LRP1B: variants seen among roughly 807,000 people sequenced by gnomAD.
LRP1B encodes the protein LDL receptor related protein 1B, also known as low-density lipoprotein receptor-related protein 1B.
A neutral mutation model predicts 556.6 loss-of-function variants in LRP1B; 217 were observed. The observed-to-expected ratio is 0.39, with a 90% confidence interval of 0.35 to 0.44. The LOEUF (loss-of-function observed/expected upper bound fraction) is 0.44, where lower values mean the gene tolerates loss of function less well. Ranked by LOEUF, LRP1B falls within the 20% of genes least tolerant of loss-of-function variation. LRP1B has a pLI of 1.00. For missense variants in LRP1B, 5,053 were observed against 5,620.8 expected (o/e 0.90, Z 3.23); for synonymous variants, 2,047 against 1,865.8 (o/e 1.10, Z -2.50).
intron 1 of LRP1B, among the ~76,000 whole-genome samples, chr2:141,883,447 T>C (rs1317495665): frequency 6.6e-6 from 1 of 152,152 alleles, no homozygotes; most frequent in African/African-American, 2.4e-5. Flanking sequence ...AAAATTACCT[T>C]TTAAAAAGGA....
rs1553448655 is a variant in LRP1B, at chr2:141,690,392, T to TATAAATAAATAA, written c.205+119886_205+119887insTTATTTATTTAT. Among the ~76,000 whole-genome samples, 322 of 34,798 alleles carry TATAAATAAATAA rather than the reference T, an allele frequency of 9.3e-3. 8 individuals are homozygous for TATAAATAAATAA. The highest frequency in any genetic ancestry group is 0.022 in the East Asian group (24 of 1,068). The allele number at this position is 34,798 out of a possible 152,430, so 22.8% of individuals were successfully genotyped here. On this transcript the variant is annotated intron_variant, in intron 2 of 90. Transcript: ENST00000389484. ...CCAAATCCAGAAAAGGGATTACATC[T>TATAAATAAATAA]ATAAATATATATATATATATATATA...
chr2:141,857,689 C>A (rs754673399), intron 1 of LRP1B, among the ~76,000 whole-genome samples: 2 of 152,128 alleles, frequency 1.3e-5, no homozygotes, highest in Non-Finnish European at 2.9e-5. Context: ...TCTTTAAAAG[C>A]AAAATGAAAT....
At chr2:140,768,012 G>C (rs1036184513) in intron 35 of LRP1B, among the ~76,000 whole-genome samples, 1 of 151,902 alleles carries the variant, frequency 6.6e-6, no homozygotes, top group Non-Finnish European at 1.5e-5. Flanking sequence ...CACCAATAAT[G>C]AGATTTGATT....
intron 3 of LRP1B, among the ~76,000 whole-genome samples, chr2:141,332,608 G>C (rs964816359): frequency 7.9e-5 from 12 of 151,700 alleles, no homozygotes; most frequent in Non-Finnish European, 1.8e-4. Flanking sequence ...GGTTCTGTCT[G>C]TTCACAGCAT....
intron 51 of LRP1B, among the ~76,000 whole-genome samples, chr2:140,511,292 CTTTTTTTTT>C (rs70985101): frequency 5.1e-5 from 3 of 58,456 alleles, no homozygotes; most frequent in East Asian, 6.1e-4. Context: ...CTCTAAGGGT[CTTTTTTTTT>C]TTTTTTTTTT....
At chr2:140,654,057 A>G (rs1574197841) in intron 41 of LRP1B, among the ~76,000 whole-genome samples, 4 of 146,956 alleles carry the variant, frequency 2.7e-5, no homozygotes, top group African/African-American at 5.0e-5. Context: ...AAAAAGAGAG[A>G]GAGTTTAACT....
At chr2:141,402,259 G>A in intron 3 of LRP1B, among the ~76,000 whole-genome samples, 1 of 152,004 alleles carries the variant, frequency 6.6e-6, no homozygotes, top group South Asian at 2.1e-4. Flanking sequence ...CCCATTTTCA[G>A]AATGGTCAAA....
At chr2:141,934,664 T>C (rs1700586898) in intron 1 of LRP1B, among the ~76,000 whole-genome samples, 1 of 152,086 alleles carries the variant, frequency 6.6e-6, no homozygotes, top group Admixed American at 6.6e-5. Context: ...GTTACCTCCA[T>C]GCTGTTCTCA....
intron 2 of LRP1B, among the ~76,000 whole-genome samples, chr2:141,555,765 T>C (rs1159121443): frequency 6.6e-6 from 1 of 151,924 alleles, no homozygotes; most frequent in Non-Finnish European, 1.5e-5. Context: ...CTGGTGAGTG[T>C]AGAGCACTGT....
chr2:141,109,460 G>T (rs992074627), intron 7 of LRP1B, among the ~76,000 whole-genome samples: 2 of 152,018 alleles, frequency 1.3e-5, no homozygotes, highest in African/African-American at 4.8e-5. Context: ...TGTTATACCA[G>T]GAGACAAAAG....
intron 1 of LRP1B, among the ~76,000 whole-genome samples, chr2:141,990,369 T>C (rs904487401): frequency 6.6e-6 from 1 of 152,082 alleles, no homozygotes; most frequent in Non-Finnish European, 1.5e-5. Context: ...ATATGAAGCA[T>C]CTCTACATTG....
chr2:141,874,949 A>G (rs1358782122), intron 1 of LRP1B, among the ~76,000 whole-genome samples: 2 of 151,856 alleles, frequency 1.3e-5, no homozygotes, highest in Non-Finnish European at 2.9e-5. Flanking sequence ...CCCTGTGTAG[A>G]TTTTATAAGA....
intron 2 of LRP1B, among the ~76,000 whole-genome samples, chr2:141,660,257 G>A (rs369988041): frequency 1.1e-4 from 17 of 152,150 alleles, no homozygotes; most frequent in East Asian, 7.7e-4. Context: ...CAAGGGAGGC[G>A]GTGAGTGACC....
chr2:142,081,694 G>T (rs1574663899), intron 1 of LRP1B, among the ~76,000 whole-genome samples: 2 of 152,092 alleles, frequency 1.3e-5, no homozygotes, highest in South Asian at 4.1e-4. Context: ...GTCCAGGCTG[G>T]TCTCAAATTC....
At chr2:141,518,423 A>G (rs369941224) in intron 2 of LRP1B, among the ~76,000 whole-genome samples, 1 of 152,222 alleles carries the variant, frequency 6.6e-6, no homozygotes. Flanking sequence ...TGTTTTGAAT[A>G]TAGGCTACTT....
intron 35 of LRP1B, among the ~76,000 whole-genome samples, chr2:140,766,640 G>A (rs546837425): frequency 6.6e-6 from 1 of 151,174 alleles, no homozygotes; most frequent in South Asian, 2.1e-4. Flanking sequence ...TGATGATGAT[G>A]ATGATGTTTA....
chr2:140,637,480 A>C (rs1684111167), intron 41 of LRP1B, among the ~76,000 whole-genome samples: 1 of 152,196 alleles, frequency 6.6e-6, no homozygotes. Context: ...GTATTTTCAT[A>C]CATTAGAAGG....
intron 71 of LRP1B, among the ~76,000 whole-genome samples, chr2:140,367,014 T>C (rs115502607): frequency 0.012 from 1,858 of 151,758 alleles, 34 homozygotes; most frequent in African/African-American, 0.042. Flanking sequence ...ATGAATGGAA[T>C]AGGCTTAGAC....
intron 23 of LRP1B, among the ~76,000 whole-genome samples, chr2:140,888,096 G>A (rs534224305): frequency 1.6e-4 from 25 of 152,194 alleles, no homozygotes; most frequent in African/African-American, 6.0e-4. Flanking sequence ...GCATAAAACT[G>A]TACAAATACT....
Sources: gnomAD v4.1 joint callset for allele counts (sites outside exome capture counted in the v4.1 genomes callset) on GRCh38, gnomAD v4.1.1 for gene constraint, MANE v1.5 for transcripts, NCBI Gene and HGNC (gene_info 2026-07-23, HGNC 2026-07-21) for gene names.